MIA2: variants seen among roughly 807,000 people sequenced by gnomAD.
MIA2 encodes MIA SH3 domain ER export factor 2, also known as melanoma inhibitory activity protein 2.
Under a neutral mutation model 167.8 loss-of-function variants are expected in MIA2, and 127 were observed. The ratio of observed to expected loss-of-function variants is 0.76; its 90% confidence interval spans 0.66 to 0.88. MIA2 has a LOEUF of 0.88. MIA2 is among the 40% of genes least tolerant of loss of function. The pLI, the probability that MIA2 is intolerant of heterozygous loss-of-function variation, is 0.00. For synonymous variants in MIA2, 552 were observed against 541.9 expected (o/e 1.02, Z -0.26); for missense variants, 1,690 against 1,624.7 (o/e 1.04, Z -0.69).
At chr14:39,309,832 A>G (rs763894113) in intron 18 of MIA2, among the ~76,000 whole-genome samples, 14 of 152,098 alleles carry the variant, frequency 9.2e-5, no homozygotes, top group Non-Finnish European at 1.5e-4. Context: ...GCCTTTATAT[A>G]TTGGAGTGAA....
chr14:39,328,409 G>T (rs1595679930), intron 25 of MIA2, among the ~76,000 whole-genome samples: 1 of 152,136 alleles, frequency 6.6e-6, no homozygotes, highest in Admixed American at 6.5e-5. Flanking sequence ...CTCCCATTCT[G>T]TAGGTTGCCT....
intron 23 of MIA2, among the ~76,000 whole-genome samples, chr14:39,378,857 G>A (rs1187074486): frequency 6.6e-6 from 1 of 152,116 alleles, no homozygotes; most frequent in African/African-American, 2.4e-5. Flanking sequence ...ATTTGATTTT[G>A]GAAAGTTTGT....
At chr14:39,263,870 G>A (rs1055170863) in intron 6 of MIA2, among the ~76,000 whole-genome samples, 4 of 152,090 alleles carry the variant, frequency 2.6e-5, no homozygotes, top group Non-Finnish European at 4.4e-5. Context: ...CTGACCTCGA[G>A]TGATTCGCCC....
downstream of MIA2, among the ~76,000 whole-genome samples, chr14:39,356,014 C>CT (rs1053603602): frequency 2.6e-5 from 4 of 152,194 alleles, no homozygotes; most frequent in South Asian, 4.1e-4. Flanking sequence ...CTAAAATTCT[C>CT]TTTTTTTGTT....
At chr14:39,293,243 G>A in intron 10 of MIA2, 28 bp from the exon 11 acceptor site, 2 of 1,436,288 alleles carry the variant, frequency 1.4e-6, no homozygotes, top group Non-Finnish European at 1.9e-6. Flanking sequence ...TCTTATATCT[G>A]TTTAATAAAG....
chr14:39,237,995 C>A (rs1189292591), intron 2 of MIA2, among the ~76,000 whole-genome samples: 1 of 152,074 alleles, frequency 6.6e-6, no homozygotes, highest in Non-Finnish European at 1.5e-5. Context: ...CCGCCTTGGC[C>A]TTCCAAAGAG....
Position 39,320,806 on chromosome 14 carries a change from A to G in MIA2, c.3368-122A>G, listed in dbSNP as rs1202214091. On this transcript the variant is annotated intron_variant, in intron 23 of 28. Transcript: ENST00000640607. ...AGCAAAATCAAAGGATACATTCAGG[A>G]CATAGATTAAACTTAAATTGGCAAT... 2.1e-5 allele frequency: 21 copies of G among 992,268 alleles called. 2 individuals are homozygous for G. In the Admixed American group the frequency reaches 4.7e-4, roughly 22 times the overall value. 61.5% of individuals were successfully genotyped at this position (992,268 alleles called of 1,614,324 possible). A position where few individuals can be genotyped will look rare whatever the true frequency, so the allele number is the denominator to read the frequency against.
Position 39,348,967 on chromosome 14 carries a change from T to G in MIA2, c.4062T>G (p.Ala1354=), listed in dbSNP as rs1205477031. 33 of 1,613,028 alleles carry G rather than the reference T, an allele frequency of 2.0e-5. No homozygotes were observed. The East Asian group carries it at 7.4e-4, about 36-fold the overall frequency. Residue 1354 remains alanine, a synonymous_variant, in exon 28 of 29, where the codon GCT becomes GCG. Transcript: ENST00000640607. ...GGGATTTCCCAGGTCCACCACCTGC[T>G]CCATTTGCAAGTATGCTTTTTTAAA... The part of the protein sequence containing the change: ...PPGDFPGPPP[A]PFAMRNVYPP...
At chr14:39,291,247 A>C in intron 10 of MIA2, 151 bp downstream of exon 10, 2 of 575,638 alleles carry the variant, frequency 3.5e-6, no homozygotes, top group Non-Finnish European at 5.6e-6. Context: ...TAATATAGGA[A>C]ATGGGACAAT....
chr14:39,314,945 A>G, intron 20 of MIA2, 146 bp downstream of exon 20: 1 of 559,250 alleles, frequency 1.8e-6, no homozygotes. Context: ...GCTGTGGGAC[A>G]TTTCCCAGGA....
chr14:39,268,640 T>C (rs2056508219), intron 6 of MIA2, among the ~76,000 whole-genome samples: 1 of 152,196 alleles, frequency 6.6e-6, no homozygotes. Context: ...TCTTGAAGGC[T>C]TTTCCGTGGT....
chr14:39,258,373 A>G (rs910153278), intron 6 of MIA2, among the ~76,000 whole-genome samples: 1 of 151,998 alleles, frequency 6.6e-6, no homozygotes, highest in Non-Finnish European at 1.5e-5. Flanking sequence ...CTCTTGATTG[A>G]TTTAGCTATT....
chr14:39,324,604 T>C (rs1021283111), intron 24 of MIA2, among the ~76,000 whole-genome samples: 15 of 149,096 alleles, frequency 1.0e-4, no homozygotes, highest in African/African-American at 3.5e-4. Context: ...GTTAGACTTC[T>C]TTTTTTTTTA....
intron 14 of MIA2, among the ~76,000 whole-genome samples, chr14:39,300,447 T>G (rs1325720683): frequency 6.6e-6 from 1 of 151,144 alleles, no homozygotes; most frequent in African/African-American, 2.4e-5. Flanking sequence ...TAAAAGGATT[T>G]TTTGATTTTT....
At chr14:39,379,490 T>A (rs2075110126) in intron 23 of MIA2, among the ~76,000 whole-genome samples, 1 of 152,202 alleles carries the variant, frequency 6.6e-6, no homozygotes, top group South Asian at 2.1e-4. Flanking sequence ...TCTCCCGTCG[T>A]ACAAAACAAA....
chr14:39,378,387 G>A (rs1351581272), intron 23 of MIA2, among the ~76,000 whole-genome samples: 2 of 152,176 alleles, frequency 1.3e-5, no homozygotes, highest in African/African-American at 2.4e-5. Context: ...CTTCATGAGA[G>A]TGCTGGAAGT....
At chr14:39,374,374 CT>C (rs2075007669) in intron 23 of MIA2, among the ~76,000 whole-genome samples, 1 of 152,166 alleles carries the variant, frequency 6.6e-6, no homozygotes, top group African/African-American at 2.4e-5. Context: ...AACTAATAGC[CT>C]TCTCATCAGT....
At chr14:39,237,115 C>CTTCCT in intron 2 of MIA2, 60 bp downstream of exon 2, 2 of 1,574,074 alleles carry the variant, frequency 1.3e-6, no homozygotes, top group Non-Finnish European at 1.7e-6. Context: ...ACAAAGATTC[C>CTTCCT]TTCCTTTTCT....
At chr14:39,310,805 A>T (rs1226701144) in intron 18 of MIA2, among the ~76,000 whole-genome samples, 1 of 151,960 alleles carries the variant, frequency 6.6e-6, no homozygotes, top group Non-Finnish European at 1.5e-5. Context: ...CACAGTTAAA[A>T]AGCTGTTATT....
Sources: gnomAD v4.1 joint callset for allele counts (sites outside exome capture counted in the v4.1 genomes callset) on GRCh38, gnomAD v4.1.1 for gene constraint, MANE v1.5 for transcripts, NCBI Gene and HGNC (gene_info 2026-07-23, HGNC 2026-07-21) for gene names.